RYR2: variants seen among roughly 807,000 people sequenced by gnomAD.
RYR2 encodes cardiac muscle ryanodine receptor-calcium release channel.
RYR2 carries 227 observed loss-of-function variants against 601.1 expected under a neutral mutation model. That is an observed-to-expected ratio of 0.38 (90% CI 0.34 to 0.42). The LOEUF is 0.42. Among genes scored for constraint, RYR2 ranks in the 10% least tolerant of loss-of-function variants. The pLI is 1.00. For synonymous variants in RYR2, 2,223 were observed against 2,175.1 expected, an observed-to-expected ratio of 1.02 and a Z score of -0.61; for missense variants, 4,646 against 6,156.5, an observed-to-expected ratio of 0.75 and a Z score of 8.21.
At chr1:237,122,307 G>A (rs2485570) in intron 1 of RYR2, among the ~76,000 whole-genome samples, 1 of 152,142 alleles carries the variant, frequency 6.6e-6, no homozygotes, top group Non-Finnish European at 1.5e-5. Flanking sequence ...CTTAACAGAA[G>A]TACAATGTTT....
At chr1:237,227,311 A>G (rs1354794289) in intron 1 of RYR2, among the ~76,000 whole-genome samples, 6 of 152,182 alleles carry the variant, frequency 3.9e-5, no homozygotes, top group Non-Finnish European at 8.8e-5. Context: ...TAATTTCACA[A>G]TGTGTACATA....
intron 12 of RYR2, among the ~76,000 whole-genome samples, chr1:237,436,454 C>CTTTTTTTTTTTTTTTT (rs551140501): frequency 0.012 from 601 of 48,634 alleles, 56 homozygotes; most frequent in African/African-American, 0.025. Context: ...TGTGATTTTC[C>CTTTTTTTTTTTTTTTT]TTTTTTTTTT....
chr1:237,588,069 A>G (rs1469439945), intron 29 of RYR2, among the ~76,000 whole-genome samples: 1 of 152,112 alleles, frequency 6.6e-6, no homozygotes, highest in African/African-American at 2.4e-5. Flanking sequence ...CTTTGGGGAC[A>G]CTCATTTAAA....
At chr1:237,486,299 A>G (rs1196173460) in intron 17 of RYR2, among the ~76,000 whole-genome samples, 1 of 152,186 alleles carries the variant, frequency 6.6e-6, no homozygotes, top group Non-Finnish European at 1.5e-5. Context: ...GGAATAGTCA[A>G]CCTAAGTTCT....
At chr1:237,415,980 G>A (rs950535857) in intron 10 of RYR2, among the ~76,000 whole-genome samples, 12 of 152,194 alleles carry the variant, frequency 7.9e-5, no homozygotes, top group Middle Eastern at 3.4e-3. Context: ...TTCTCTTTAC[G>A]TATATTTGAA....
chr1:237,578,617 G>A (rs566476186), intron 29 of RYR2, among the ~76,000 whole-genome samples: 2 of 152,154 alleles, frequency 1.3e-5, no homozygotes, highest in East Asian at 3.9e-4. Context: ...GCCCCTTTTG[G>A]AGGTATTATT....
intron 14 of RYR2, among the ~76,000 whole-genome samples, chr1:237,448,723 A>G (rs1259691193): frequency 6.6e-6 from 1 of 152,068 alleles, no homozygotes; most frequent in African/African-American, 2.4e-5. Context: ...CTTTATCATT[A>G]TGAAATTACC....
chr1:237,644,244 T>G lies in RYR2; in HGVS notation c.7342+797T>G, dbSNP rs377755595. On this transcript the variant is annotated intron_variant, in intron 48 of 104. Transcript: ENST00000366574. ...GTTTGTTGTTTTTTTGGTTTTTTGT[T>G]TTTTTTGAGATGGAGTCTCACTCCG... 1.5e-3 allele frequency among the ~76,000 whole-genome samples: 232 copies of G among 152,220 alleles called. 4 individuals are homozygous for G. The South Asian group carries it at 0.047, about 31-fold the overall frequency.
At chr1:237,743,629 A>C (rs925992786) in intron 80 of RYR2, 1 of 518,604 alleles carries the variant, frequency 1.9e-6, no homozygotes, top group Non-Finnish European at 3.9e-6. Context: ...GCAAGGTAAA[A>C]CTATATATAT....
At chr1:237,283,031 C>T (rs1471988226) in intron 2 of RYR2, among the ~76,000 whole-genome samples, 3 of 152,158 alleles carry the variant, frequency 2.0e-5, no homozygotes, top group Non-Finnish European at 2.9e-5. Context: ...GCATAAACAA[C>T]CCTGGAGGTA....
At chr1:237,524,418 A>C (rs1402290344) in intron 24 of RYR2, among the ~76,000 whole-genome samples, 1 of 152,238 alleles carries the variant, frequency 6.6e-6, no homozygotes, top group Non-Finnish European at 1.5e-5. Flanking sequence ...AAACGCCTGC[A>C]GCAGGCATGG....
At position 237,500,847 on chromosome 1, in the gene RYR2, G is replaced by A; in HGVS notation, c.2340G>A (p.Glu780=). Reference sequence around the variant, plus strand: ...GACAACCTGTTCAAGGAATGTTTGAGAATTTCAACATCGATGGCCTCTTCT... The same window carrying A: ...GACAACCTGTTCAAGGAATGTTTGAAAATTTCAACATCGATGGCCTCTTCT... ...INGQPVQGMF[E]NFNIDGLFFP... The change falls in exon 21 of 105, where the codon GAG becomes GAA. Residue 780 remains glutamate, a synonymous_variant. Transcript: ENST00000366574. 1 of 1,614,032 alleles carries A rather than the reference G, an allele frequency of 6.2e-7. No homozygotes were observed. Among genetic ancestry groups the A allele is most frequent in the Non-Finnish European group, 8.5e-7 (1 of 1,179,896 alleles).
Position 237,638,343 on chromosome 1 carries a change from C to G in RYR2, c.6793-14C>G, listed in dbSNP as rs1681090505. The G allele has an allele frequency of 3.7e-6, 6 of 1,613,548 alleles. 1 individual carries two copies. In the South Asian group the frequency reaches 6.6e-5, roughly 18 times the overall value. ...AGCCAAGGGATAACTCTTTGTTAAT[C>G]ATGTTGTTTGCAGGTAGTTCGTTAT... is the stretch of plus-strand genomic sequence containing the variant. On this transcript the variant is annotated splice_polypyrimidine_tract_variant and intron_variant, in intron 44 of 104. Transcript: ENST00000366574.
chr1:237,679,786 G>T (rs1158883041), intron 61 of RYR2, among the ~76,000 whole-genome samples: 1 of 152,128 alleles, frequency 6.6e-6, no homozygotes, highest in Non-Finnish European at 1.5e-5. Flanking sequence ...TTGCCACTGA[G>T]TTGAGATCTA....
At chr1:237,631,612 GATTTTTTTTT>G in intron 42 of RYR2, 71 bp downstream of exon 42, 3 of 198,918 alleles carry the variant, frequency 1.5e-5, no homozygotes, top group Non-Finnish European at 2.6e-5. Context: ...ATAGAATGCA[GATTTTTTTTT>G]TTTTTTTTTT....
chr1:237,733,845 A>G (rs1690907575), intron 79 of RYR2, 89 bp downstream of exon 79: 12 of 911,024 alleles, frequency 1.3e-5, no homozygotes, highest in Non-Finnish European at 2.1e-5. Context: ...TGTGTATTTC[A>G]TTAATTTCAA....
Position 237,690,926 on chromosome 1 carries a change from T to A in RYR2, c.9067+3422T>A, listed in dbSNP as rs1281078563. On this transcript the variant is annotated intron_variant, in intron 63 of 104. Coordinates refer to ENST00000366574, the MANE Select transcript of RYR2 (RefSeq NM_001035.3). ...ACTATTTACTTTTTGATTTATCAGC[T>A]ATGCCAGTGTGGATTTTTCCAAACA... 2.6e-5 allele frequency among the ~76,000 whole-genome samples: 4 copies of A among 152,348 alleles called. 1 individual carries two copies. The highest frequency in any genetic ancestry group is 4.4e-5 in the Non-Finnish European group (3 of 68,032).
chr1:237,225,205 A>C (rs1684229718), intron 1 of RYR2, among the ~76,000 whole-genome samples: 1 of 152,194 alleles, frequency 6.6e-6, no homozygotes, highest in Non-Finnish European at 1.5e-5. Flanking sequence ...GAAGGCAGAT[A>C]TAAGATTAAA....
chr1:237,744,662 C>CAA (rs200837053), intron 80 of RYR2, among the ~76,000 whole-genome samples: 2 of 149,532 alleles, frequency 1.3e-5, no homozygotes, highest in African/African-American at 4.9e-5. Flanking sequence ...GTCTCAACAA[C>CAA]AACAAAAAAG....
Sources: gnomAD v4.1 joint callset for allele counts (sites outside exome capture counted in the v4.1 genomes callset) on GRCh38, gnomAD v4.1.1 for gene constraint, MANE v1.5 for transcripts, NCBI Gene and HGNC (gene_info 2026-07-23, HGNC 2026-07-21) for gene names.